Variants in RBPMS observed in about 807,000 individuals in gnomAD.
RBPMS encodes the protein RNA binding protein, mRNA processing factor.
RBPMS carries 7 observed loss-of-function variants against 26.8 expected under a neutral mutation model. The observed-to-expected ratio is 0.26, with a 90% confidence interval of 0.15 to 0.49. The LOEUF (loss-of-function observed/expected upper bound fraction) is 0.49. RBPMS is among the 20% of genes least tolerant of loss of function. RBPMS has a pLI of 0.98. For synonymous variants in RBPMS, 96 were observed against 93.3 expected (o/e 1.03, Z -0.17); for missense variants, 186 against 250.0 (o/e 0.74, Z 1.73).
rs543374658 is a variant in RBPMS, at chr8:30,547,274, AT to A, written c.528+2660del. 854 of 1,453,194 alleles carry A rather than the reference AT, an allele frequency of 5.9e-4. 1 individual carries two copies. The highest frequency in any genetic ancestry group is 7.0e-4 in the Middle Eastern group (4 of 5,698). 90.0% of individuals were successfully genotyped at this position (1,453,194 alleles called of 1,614,324 possible). On this transcript the variant is annotated intron_variant, in intron 6 of 8. Transcript: ENST00000397323. Reference sequence around the variant, plus strand: ...TGTTATGCTCTATTTTGAGACATGGATTTTTTTTTTCTTCTAGTGTTTCTCT... The same window carrying A: ...TGTTATGCTCTATTTTGAGACATGGATTTTTTTTTCTTCTAGTGTTTCTCT...
chr8:30,544,455 A>T, intron 5 of RBPMS, 39 bp from the exon 6 acceptor site: 1 of 1,597,626 alleles, frequency 6.3e-7, no homozygotes. Context: ...AACTAGCTGT[A>T]TGGTAACCAC....
At chr8:30,521,989 T>C (rs1823095705) in intron 5 of RBPMS, among the ~76,000 whole-genome samples, 1 of 152,240 alleles carries the variant, frequency 6.6e-6, no homozygotes. Context: ...TTGTACATTA[T>C]GGTGACTGTA....
intron 1 of RBPMS, among the ~76,000 whole-genome samples, chr8:30,442,309 T>C (rs150649042): frequency 7.4e-4 from 113 of 152,276 alleles, no homozygotes; most frequent in Non-Finnish European, 1.3e-3. Flanking sequence ...TAGGCTTCTT[T>C]ACACTCCATT....
At position 30,384,795 on chromosome 8, in the gene RBPMS, T is replaced by A; in HGVS notation, c.-298T>A. The A allele has an allele frequency of 1.2e-5, 3 of 251,748 alleles. No homozygotes were observed. Among genetic ancestry groups the A allele is most frequent in the Non-Finnish European group, 2.2e-5 (3 of 135,168 alleles). 15.6% of individuals were successfully genotyped at this position (251,748 alleles called of 1,614,324 possible). On this transcript the variant is annotated 5_prime_UTR_variant, in exon 1 of 9. Coordinates refer to ENST00000397323, the MANE Select transcript of RBPMS (RefSeq NM_001008710.3). This position sits in a 1 kb window ranked among gnomAD's most constrained non-coding sequence, Gnocchi z 5.6. ...TTCCTCCCCTGGCTCCCGCCCTCCCTCTCCAGGTCGCCCTCCCGGGGCCCG... is the reference window on the plus strand; with the variant it reads ...TTCCTCCCCTGGCTCCCGCCCTCCCACTCCAGGTCGCCCTCCCGGGGCCCG...
chr8:30,426,099 C>A (rs889135985), intron 1 of RBPMS, among the ~76,000 whole-genome samples: 3 of 152,152 alleles, frequency 2.0e-5, no homozygotes, highest in East Asian at 1.9e-4. Flanking sequence ...GCACGGAGTT[C>A]AGCAGTGAAA....
chr8:30,475,717 A>C (rs1035730113), intron 2 of RBPMS, among the ~76,000 whole-genome samples: 2 of 152,346 alleles, frequency 1.3e-5, no homozygotes, highest in Admixed American at 6.5e-5. Context: ...TGACAACTAA[A>C]AACTCTAGTG....
At chr8:30,539,179 C>T (rs1825122406) in intron 5 of RBPMS, among the ~76,000 whole-genome samples, 1 of 152,060 alleles carries the variant, frequency 6.6e-6, no homozygotes, top group African/African-American at 2.4e-5. Context: ...TTTGGATTTT[C>T]TGTGTCATGG....
chr8:30,516,983 T>C (rs1375809506), intron 5 of RBPMS, among the ~76,000 whole-genome samples: 1 of 152,028 alleles, frequency 6.6e-6, no homozygotes, highest in East Asian at 1.9e-4. Flanking sequence ...TATTTCAATC[T>C]GTATGTTTTA....
intron 4 of RBPMS, among the ~76,000 whole-genome samples, chr8:30,495,428 G>T (rs1415057707): frequency 6.6e-6 from 1 of 152,014 alleles, no homozygotes; most frequent in African/African-American, 2.4e-5. Flanking sequence ...ACCTCTAATG[G>T]CTCCATGGGC....
intron 6 of RBPMS, chr8:30,553,461 C>G (rs578011619): frequency 6.6e-6 from 1 of 152,264 alleles, no homozygotes. Flanking sequence ...TTGGCAGCCT[C>G]TCTTCAGCCT....
At position 30,506,336 on chromosome 8, in the gene RBPMS, TAAA is replaced by T. The variant is rs34344286; in HGVS notation, c.397+1920_397+1922del. Among the ~76,000 whole-genome samples the T allele has an allele frequency of 2.1e-3, 277 of 132,108 alleles. 2 individuals are homozygous for T. Among genetic ancestry groups the T allele is most frequent in the Middle Eastern group, 4.1e-3 (1 of 246 alleles). The allele number at this position is 132,108 out of a possible 152,430, so 86.7% of individuals were successfully genotyped here. On this transcript the variant is annotated intron_variant, in intron 5 of 8. Coordinates refer to ENST00000397323, the MANE Select transcript of RBPMS (RefSeq NM_001008710.3). ...TTCACAGCAACACAAATTTGAAGTT[TAAA>T]AAAAAAAAAAAAAAAAAAATCCAAG... is the stretch of plus-strand genomic sequence containing the variant.
intron 7 of RBPMS, among the ~76,000 whole-genome samples, chr8:30,559,792 T>TA (rs776546160): frequency 6.6e-6 from 1 of 152,226 alleles, no homozygotes; most frequent in Non-Finnish European, 1.5e-5. Context: ...CTCATGCTGT[T>TA]AGAAATGCTA....
chr8:30,426,909 T>C (rs1811425106), intron 1 of RBPMS, among the ~76,000 whole-genome samples: 1 of 152,202 alleles, frequency 6.6e-6, no homozygotes, highest in Non-Finnish European at 1.5e-5. Flanking sequence ...ACCTAGGCTT[T>C]AGAGTATATG....
chr8:30,409,693 C>T (rs961752443), intron 1 of RBPMS, among the ~76,000 whole-genome samples: 24 of 151,492 alleles, frequency 1.6e-4, no homozygotes, highest in African/African-American at 3.2e-4. Flanking sequence ...AGTGCAGTGG[C>T]GCGATCTCGG....
chr8:30,496,905 A>G (rs1363738973), intron 4 of RBPMS, among the ~76,000 whole-genome samples: 1 of 151,956 alleles, frequency 6.6e-6, no homozygotes, highest in Non-Finnish European at 1.5e-5. Context: ...GTTTTCACAG[A>G]CTCCTGGGGA....
intron 1 of RBPMS, among the ~76,000 whole-genome samples, chr8:30,446,022 A>G (rs914217423): frequency 7.2e-5 from 11 of 152,214 alleles, no homozygotes; most frequent in African/African-American, 2.4e-4. Flanking sequence ...ATCAGTGAAG[A>G]CACCAATATG....
intron 5 of RBPMS, among the ~76,000 whole-genome samples, chr8:30,537,046 T>C (rs1420773467): frequency 3.3e-5 from 5 of 152,120 alleles, no homozygotes; most frequent in Admixed American, 2.6e-4. Context: ...GTAACCCTCA[T>C]CCCAGCAGCT....
chr8:30,468,820 T>C (rs747236719), intron 1 of RBPMS, among the ~76,000 whole-genome samples: 7 of 152,338 alleles, frequency 4.6e-5, no homozygotes, highest in Non-Finnish European at 8.8e-5. Flanking sequence ...CTTTGAGGTC[T>C]TCATTTATAT....
At chr8:30,457,141 A>C (rs1815312906) in intron 1 of RBPMS, among the ~76,000 whole-genome samples, 1 of 152,210 alleles carries the variant, frequency 6.6e-6, no homozygotes. Context: ...TCTGCTCTGA[A>C]ACATCCTTCA....
Sources: allele counts gnomAD v4.1 joint callset (sites outside exome capture counted in the v4.1 genomes callset), GRCh38; gene constraint gnomAD v4.1.1; non-coding constraint Gnocchi (gnomAD v3.1); transcripts MANE v1.5; gene names NCBI Gene and HGNC (gene_info 2026-07-23, HGNC 2026-07-21).